LRMDA: variants seen among roughly 807,000 people sequenced by gnomAD.
LRMDA encodes leucine rich melanocyte differentiation associated, also known as leucine-rich melanocyte differentiation-associated protein.
LRMDA carries 18 observed loss-of-function variants against 29.8 expected under a neutral mutation model. That is an observed-to-expected ratio of 0.60 (90% CI 0.42 to 0.90). The LOEUF (loss-of-function observed/expected upper bound fraction) is 0.90. Ranked by LOEUF, LRMDA falls within the 40% of genes least tolerant of loss-of-function variation. The probability of loss-of-function intolerance (pLI) is 0.00; values close to 1 mark genes in which losing one functional copy is unlikely to be tolerated. For missense variants in LRMDA, 273 were observed against 273.9 expected, an observed-to-expected ratio of 1.00 and a Z score of 0.02; for synonymous variants, 125 against 109.4, an observed-to-expected ratio of 1.14 and a Z score of -0.89.
At chr10:76,228,025 C>CT (rs35074858) in intron 5 of LRMDA, among the ~76,000 whole-genome samples, 170 of 140,368 alleles carry the variant, frequency 1.2e-3, no homozygotes, top group East Asian at 1.7e-3. Flanking sequence ...AATTGTTAGT[C>CT]TTTTTTTTTT....
chr10:76,014,211 ATG>A, intron 2 of LRMDA, among the ~76,000 whole-genome samples: 1 of 145,878 alleles, frequency 6.9e-6, no homozygotes, highest in Non-Finnish European at 1.5e-5. Flanking sequence ...CATATTGTCT[ATG>A]ACTGCTTCTA....
At chr10:76,029,965 A>G (rs1848121956) in intron 2 of LRMDA, among the ~76,000 whole-genome samples, 1 of 152,224 alleles carries the variant, frequency 6.6e-6, no homozygotes, top group Middle Eastern at 3.4e-3. Flanking sequence ...ACATGACTGT[A>G]GCTCACTGTA....
intron 2 of LRMDA, among the ~76,000 whole-genome samples, chr10:75,573,009 C>A (rs1209713578): frequency 1.3e-5 from 2 of 152,192 alleles, no homozygotes; most frequent in Admixed American, 6.5e-5. Context: ...CTTCTAGCAT[C>A]CAGAACTGTG....
At chr10:75,948,190 C>T (rs1346236033) in intron 2 of LRMDA, among the ~76,000 whole-genome samples, 1 of 152,170 alleles carries the variant, frequency 6.6e-6, no homozygotes, top group Non-Finnish European at 1.5e-5. Flanking sequence ...AAATTGTAGA[C>T]TGGCTCTTAG....
intron 5 of LRMDA, among the ~76,000 whole-genome samples, chr10:76,100,559 G>C (rs1476357813): frequency 6.6e-6 from 1 of 151,944 alleles, no homozygotes; most frequent in East Asian, 1.9e-4. Flanking sequence ...TTTATGGGTG[G>C]GTCTTGCTCA....
At chr10:75,864,849 G>A (rs985616490) in intron 2 of LRMDA, among the ~76,000 whole-genome samples, 5 of 152,006 alleles carry the variant, frequency 3.3e-5, no homozygotes, top group Non-Finnish European at 5.9e-5. Flanking sequence ...TCATAATTAG[G>A]TTTAGAATTA....
At chr10:75,513,759 C>T (rs1270842173) in intron 2 of LRMDA, among the ~76,000 whole-genome samples, 1 of 152,140 alleles carries the variant, frequency 6.6e-6, no homozygotes. Flanking sequence ...CTTCTGCCTG[C>T]CTCTTACAAA....
chr10:76,380,961 G>A (rs1589158908), intron 6 of LRMDA, among the ~76,000 whole-genome samples: 2 of 147,214 alleles, frequency 1.4e-5, no homozygotes, highest in Non-Finnish European at 3.0e-5. Flanking sequence ...TAACATTTTT[G>A]TGTTAAAATA....
chr10:75,581,247 T>C (rs1303044256), intron 2 of LRMDA, among the ~76,000 whole-genome samples: 1 of 151,966 alleles, frequency 6.6e-6, no homozygotes, highest in Non-Finnish European at 1.5e-5. Flanking sequence ...CATCAAAAAA[T>C]GGGTGAAGTA....
chr10:75,929,756 C>T (rs1846178469), intron 2 of LRMDA, among the ~76,000 whole-genome samples: 1 of 152,146 alleles, frequency 6.6e-6, no homozygotes, highest in Non-Finnish European at 1.5e-5. Flanking sequence ...TTGAGGGTTA[C>T]AATGACATAG....
At position 75,822,011 on chromosome 10, in the gene LRMDA, C is replaced by A. The variant is rs183281408; in HGVS notation, c.132-213997C>A. Among the ~76,000 whole-genome samples the A allele has an allele frequency of 3.2e-3, 489 of 152,230 alleles. 8 individuals are homozygous for A. The highest frequency in any genetic ancestry group is 0.026 in the Admixed American group (394 of 15,302). On this transcript the variant is annotated intron_variant, in intron 2 of 6. Transcript: ENST00000611255. The stretch of plus-strand genomic sequence containing the variant: ...TCAGTCAAGAGAAAGAAATAAAAGT[C>A]ATCTTAATTGGGAAAGTGGAAGTCA...
chr10:76,052,898 G>A (rs570248581), intron 4 of LRMDA, among the ~76,000 whole-genome samples: 1 of 152,198 alleles, frequency 6.6e-6, no homozygotes, highest in South Asian at 2.1e-4. Flanking sequence ...GAAAATTGGA[G>A]TTGCCCTCTG....
At chr10:75,701,762 A>G (rs1842310783) in intron 2 of LRMDA, among the ~76,000 whole-genome samples, 1 of 152,144 alleles carries the variant, frequency 6.6e-6, no homozygotes, top group Admixed American at 6.5e-5. Context: ...AGTGGTAATG[A>G]TGGAGTAGTG....
intron 2 of LRMDA, among the ~76,000 whole-genome samples, chr10:75,746,841 C>G (rs1265509435): frequency 6.6e-6 from 1 of 151,882 alleles, no homozygotes; most frequent in Non-Finnish European, 1.5e-5. Context: ...GAGTTGAAAA[C>G]TAGAAGCTTT....
At chr10:76,374,582 A>G (rs960027030) in intron 6 of LRMDA, among the ~76,000 whole-genome samples, 1 of 152,216 alleles carries the variant, frequency 6.6e-6, no homozygotes, top group African/African-American at 2.4e-5. Context: ...ACCAACGCTC[A>G]GTTGAATATA....
chr10:75,465,745 T>G (rs929964152), intron 2 of LRMDA, among the ~76,000 whole-genome samples: 1 of 152,196 alleles, frequency 6.6e-6, no homozygotes, highest in African/African-American at 2.4e-5. Flanking sequence ...TCCCCCAATC[T>G]GGCATATGGT....
At position 75,431,716 on chromosome 10, in the gene LRMDA, C is replaced by T; in HGVS notation, c.-9C>T. 2 of 1,350,140 alleles carry T rather than the reference C, an allele frequency of 1.5e-6. No homozygotes were observed. The highest frequency in any genetic ancestry group is 9.5e-7 in the Non-Finnish European group (1 of 1,048,650). 83.6% of individuals were successfully genotyped at this position (1,350,140 alleles called of 1,614,324 possible). On this transcript the variant is annotated 5_prime_UTR_variant, in exon 1 of 7. Coordinates refer to ENST00000611255, the MANE Select transcript of LRMDA (RefSeq NM_001305581.2). ...CTCCGTCCCGCGCGCCCGCAGCGTC[C>T]TGGCCGCCATGGCCGGGCTCGTGGT...
intron 2 of LRMDA, among the ~76,000 whole-genome samples, chr10:75,456,250 G>A (rs1445524675): frequency 2.0e-5 from 3 of 152,234 alleles, no homozygotes; most frequent in Non-Finnish European, 2.9e-5. Context: ...CGGCAATTAC[G>A]CTGTTAGAAG....
At chr10:75,879,068 T>G (rs995614676) in intron 2 of LRMDA, among the ~76,000 whole-genome samples, 1 of 152,216 alleles carries the variant, frequency 6.6e-6, no homozygotes, top group African/African-American at 2.4e-5. Context: ...CCCAGGTGAC[T>G]CTGACAGACA....
Sources: allele counts gnomAD v4.1 joint callset (sites outside exome capture counted in the v4.1 genomes callset), GRCh38; gene constraint gnomAD v4.1.1; transcripts MANE v1.5; gene names NCBI Gene and HGNC (gene_info 2026-07-23, HGNC 2026-07-21).